KCNJ3: variants seen among roughly 807,000 people sequenced by gnomAD.
The protein encoded by KCNJ3 is G protein-activated inward rectifier potassium channel 1.
Under a neutral mutation model 39.2 loss-of-function variants are expected in KCNJ3, and 4 were observed. The ratio of observed to expected loss-of-function variants is 0.10; its 90% CI spans 0.05 to 0.23. The LOEUF is 0.23. Among genes scored for constraint, KCNJ3 ranks in the 10% least tolerant of loss-of-function variants. KCNJ3 has a pLI of 1.00. For synonymous variants in KCNJ3, 230 were observed against 237.4 expected (o/e 0.97, Z 0.29); for missense variants, 276 against 634.9 (o/e 0.43, Z 6.08).
At chr2:154,736,365 C>T (rs1685528668) in intron 2 of KCNJ3, among the ~76,000 whole-genome samples, 1 of 94,518 alleles carries the variant, frequency 1.1e-5, no homozygotes, top group African/African-American at 4.1e-5. Flanking sequence ...TGACAGGAGT[C>T]ACTAGTTCTA....
chr2:154,711,204 A>G (rs78888750), intron 2 of KCNJ3, among the ~76,000 whole-genome samples: 5,570 of 152,212 alleles, frequency 0.037, 170 homozygotes, highest in Non-Finnish European at 0.049. Flanking sequence ...AAAATACCAT[A>G]TATTGATAAA....
intron 2 of KCNJ3, among the ~76,000 whole-genome samples, chr2:154,782,510 C>G (rs1686454953): frequency 7.4e-6 from 1 of 134,868 alleles, no homozygotes; most frequent in Non-Finnish European, 1.6e-5. Flanking sequence ...TATTTATATT[C>G]CTACAACATA....
chr2:154,827,692 A>G lies in KCNJ3; in HGVS notation c.920-27035A>G, dbSNP rs545409038. On this transcript the variant is annotated intron_variant, in intron 2 of 2. Transcript: ENST00000295101. ...TACAGGCTATATAGGTGCTTTCTATAAATGTTCAAGAAATTATTATTTTTT... is the reference window on the plus strand; with the variant it reads ...TACAGGCTATATAGGTGCTTTCTATGAATGTTCAAGAAATTATTATTTTTT... Among the ~76,000 whole-genome samples the G allele has an allele frequency of 1.8e-4, 22 of 125,418 alleles. No individual in the cohort carries two copies. The South Asian group carries it at 2.6e-3, about 15-fold the overall frequency. 82.3% of individuals were successfully genotyped at this position (125,418 alleles called of 152,430 possible). A position where few individuals can be genotyped will look rare whatever the true frequency, so the allele number is the denominator to read the frequency against.
At chr2:154,763,824 A>G (rs924148952) in intron 2 of KCNJ3, among the ~76,000 whole-genome samples, 2 of 152,204 alleles carry the variant, frequency 1.3e-5, no homozygotes, top group African/African-American at 4.8e-5. Context: ...TAAAATGAAG[A>G]TATTTCAGAG....
intron 2 of KCNJ3, among the ~76,000 whole-genome samples, chr2:154,804,804 G>A (rs1160173468): frequency 6.6e-6 from 1 of 152,108 alleles, no homozygotes; most frequent in African/African-American, 2.4e-5. Flanking sequence ...CCAACTGGAG[G>A]AAGTATTTTC....
chr2:154,767,675 G>C (rs1686159888), intron 2 of KCNJ3, among the ~76,000 whole-genome samples: 1 of 152,178 alleles, frequency 6.6e-6, no homozygotes, highest in Non-Finnish European at 1.5e-5. Context: ...ATAGCAGCAT[G>C]ACTTATAAAC....
chr2:154,833,227 C>T (rs1316359302), intron 2 of KCNJ3, among the ~76,000 whole-genome samples: 1 of 152,156 alleles, frequency 6.6e-6, no homozygotes, highest in Non-Finnish European at 1.5e-5. Context: ...ATCATACAGC[C>T]TTTGTGGAAT....
At chr2:154,821,659 T>TTTTTA in intron 2 of KCNJ3, among the ~76,000 whole-genome samples, 1 of 134,832 alleles carries the variant, frequency 7.4e-6, no homozygotes, top group Non-Finnish European at 1.6e-5. Context: ...TTTTTTTTTT[T>TTTTTA]GAGATGGAGT....
At chr2:154,793,307 G>T (rs1686669532) in intron 2 of KCNJ3, among the ~76,000 whole-genome samples, 1 of 151,826 alleles carries the variant, frequency 6.6e-6, no homozygotes, top group South Asian at 2.1e-4. Context: ...AATATTCACT[G>T]ATGACAGTGA....
intron 2 of KCNJ3, among the ~76,000 whole-genome samples, chr2:154,838,384 AC>A (rs769720065): frequency 2.0e-5 from 3 of 152,208 alleles, no homozygotes; most frequent in Non-Finnish European, 2.9e-5. Context: ...TATTTTGACT[AC>A]AACCATCTCT....
At chr2:154,719,200 T>C (rs111741039) in intron 2 of KCNJ3, among the ~76,000 whole-genome samples, 1,780 of 152,216 alleles carry the variant, frequency 0.012, 28 homozygotes, top group African/African-American at 0.041. Context: ...AACACACAAC[T>C]AATTCTTAGT....
At chr2:154,765,095 T>G (rs983282046) in intron 2 of KCNJ3, among the ~76,000 whole-genome samples, 2 of 152,112 alleles carry the variant, frequency 1.3e-5, no homozygotes, top group Non-Finnish European at 2.9e-5. Flanking sequence ...GCATTTTAGG[T>G]GTTTAGCAGC....
intron 2 of KCNJ3, among the ~76,000 whole-genome samples, chr2:154,847,002 G>C (rs1687674573): frequency 6.6e-6 from 1 of 152,052 alleles, no homozygotes; most frequent in Non-Finnish European, 1.5e-5. Flanking sequence ...AAATAATAGA[G>C]GATAATATTG....
intron 2 of KCNJ3, among the ~76,000 whole-genome samples, chr2:154,743,893 T>C (rs1574444225): frequency 6.6e-6 from 1 of 151,750 alleles, no homozygotes; most frequent in East Asian, 1.9e-4. Flanking sequence ...GAGTGATAGA[T>C]GTGGACATTC....
At position 154,856,785 on chromosome 2, in the gene KCNJ3, C is replaced by T. The variant is rs1407691722; in HGVS notation, c.*1472C>T. The T allele has an allele frequency of 6.6e-6, 1 of 152,054 alleles. No individual in the cohort carries two copies. The highest frequency in any genetic ancestry group is 2.1e-4 in the South Asian group (1 of 4,820). 9.4% of individuals were successfully genotyped at this position (152,054 alleles called of 1,614,324 possible). ...GAATCAAAACTAGTGATCAGTAGAA[C>T]ACTTTCAAAATAAAAATTTGGAATG... On this transcript the variant is annotated 3_prime_UTR_variant, in exon 3 of 3. Coordinates refer to ENST00000295101, the MANE Select transcript of KCNJ3 (RefSeq NM_002239.4).
intron 2 of KCNJ3, among the ~76,000 whole-genome samples, chr2:154,726,822 CACACACACACACA>C (rs1685366780): frequency 6.6e-6 from 1 of 150,598 alleles, no homozygotes; most frequent in Non-Finnish European, 1.5e-5. Context: ...CACACACACA[CACACACACACACA>C]TACACCATGG....
At chr2:154,717,916 C>T (rs536426686) in intron 2 of KCNJ3, among the ~76,000 whole-genome samples, 1 of 152,284 alleles carries the variant, frequency 6.6e-6, no homozygotes, top group African/African-American at 2.4e-5. Flanking sequence ...ACTCTACTGA[C>T]CATTGGAAAT....
intron 2 of KCNJ3, among the ~76,000 whole-genome samples, chr2:154,830,084 A>T (rs1687338316): frequency 6.6e-6 from 1 of 152,194 alleles, no homozygotes; most frequent in African/African-American, 2.4e-5. Flanking sequence ...GAAAACCTTG[A>T]ATTACGTTAT....
In KCNJ3 at chr2:154,855,250, A is replaced by C. The variant is rs762038643; in HGVS notation, c.1443A>C (p.Ala481=). The C allele has an allele frequency of 5.4e-5, 87 of 1,613,622 alleles. No homozygotes were observed. Among genetic ancestry groups the C allele is most frequent in the Non-Finnish European group, 6.9e-5 (82 of 1,179,898 alleles). The part of the protein sequence containing the change: ...PPKLQKMAGG[A]ARMEGNLPAK... ...AGCTTCAAAAGATGGCTGGAGGAGC[A>C]GCTAGGATGGAAGGGAACCTTCCAG... Residue 481 remains alanine, a synonymous_variant, in exon 3 of 3, where the codon GCA becomes GCC. Coordinates refer to ENST00000295101, the MANE Select transcript of KCNJ3 (RefSeq NM_002239.4).
Sources: allele counts gnomAD v4.1 joint callset (sites outside exome capture counted in the v4.1 genomes callset), GRCh38; gene constraint gnomAD v4.1.1; transcripts MANE v1.5; gene names NCBI Gene and HGNC (gene_info 2026-07-23, HGNC 2026-07-21).